PHF20L1: variants seen among roughly 807,000 people sequenced by gnomAD.
PHF20L1 encodes the protein PHD finger protein 20-like protein 1.
Under a neutral mutation model 125.5 loss-of-function variants are expected in PHF20L1, and 44 were observed. The ratio of observed to expected loss-of-function variants is 0.35; its 90% CI spans 0.28 to 0.45. PHF20L1 has a LOEUF of 0.45. PHF20L1 is among the 20% of genes least tolerant of loss of function. PHF20L1 has a pLI of 1.00. For missense variants in PHF20L1, 1,012 were observed against 1,217.2 expected (o/e 0.83, Z 2.51); for synonymous variants, 380 against 403.1 (o/e 0.94, Z 0.69).
At chr8:132,823,380 T>C (rs1288659020) in intron 12 of PHF20L1, among the ~76,000 whole-genome samples, 1 of 151,994 alleles carries the variant, frequency 6.6e-6, no homozygotes, top group African/African-American at 2.4e-5. Flanking sequence ...ATAGCATTCA[T>C]GTCATAACTG....
intron 14 of PHF20L1, among the ~76,000 whole-genome samples, chr8:132,830,878 A>G (rs2131834760): frequency 6.6e-6 from 1 of 152,136 alleles, no homozygotes; most frequent in South Asian, 2.1e-4. Context: ...TTTACTCTTC[A>G]GCCCCATCTC....
At chr8:132,782,840 C>G (rs530106367) in intron 2 of PHF20L1, among the ~76,000 whole-genome samples, 1 of 151,496 alleles carries the variant, frequency 6.6e-6, no homozygotes, top group African/African-American at 2.4e-5. Flanking sequence ...CTCATGGGCT[C>G]AAGCAGTTTT....
At chr8:132,836,954 C>T (rs1303916610) in intron 16 of PHF20L1, among the ~76,000 whole-genome samples, 1 of 152,092 alleles carries the variant, frequency 6.6e-6, no homozygotes, top group East Asian at 1.9e-4. Flanking sequence ...TCAGTGCCTT[C>T]AAACTGAAAC....
intron 4 of PHF20L1, among the ~76,000 whole-genome samples, chr8:132,796,307 G>C (rs1335451886): frequency 6.6e-6 from 1 of 151,994 alleles, no homozygotes; most frequent in Non-Finnish European, 1.5e-5. Context: ...GCAAAGATTG[G>C]TATATGAAGT....
chr8:132,778,674 G>T (rs1053100569), intron 2 of PHF20L1, among the ~76,000 whole-genome samples: 11 of 152,210 alleles, frequency 7.2e-5, no homozygotes, highest in African/African-American at 2.4e-4. Context: ...GAGTAGGAAT[G>T]AGGAGGATTC....
In PHF20L1 at chr8:132,775,582, C is replaced by T. The variant is rs1420001394; in HGVS notation, c.-101C>T. ...CAGAGGCAGAGGCCCGGGCTGGCCG[C>T]CCTGCTCGTGCCCCAGCTCGGCCCC... is the stretch of plus-strand genomic sequence containing the variant. On this transcript the variant is annotated 5_prime_UTR_variant, in exon 1 of 21. Coordinates refer to ENST00000395386, the MANE Select transcript of PHF20L1 (RefSeq NM_016018.5). 5.7e-6 allele frequency: 2 copies of T among 353,486 alleles called. No individual in the cohort carries two copies. The highest frequency in any genetic ancestry group is 1.0e-5 in the Non-Finnish European group (2 of 196,614). The allele number at this position is 353,486 out of a possible 1,614,324, so 21.9% of individuals were successfully genotyped here. A position where few individuals can be genotyped will look rare whatever the true frequency, so the allele number is the denominator to read the frequency against.
At position 132,824,078 on chromosome 8, in the gene PHF20L1, T is replaced by A. The variant is rs1835889617; in HGVS notation, c.1636+18T>A. 1.3e-6 allele frequency: 2 copies of A among 1,520,862 alleles called. No individual in the cohort carries two copies. The highest frequency in any genetic ancestry group is 2.3e-5 in the South Asian group (2 of 87,336). 94.2% of individuals were successfully genotyped at this position (1,520,862 alleles called of 1,614,324 possible). A position where few individuals can be genotyped will look rare whatever the true frequency, so the allele number is the denominator to read the frequency against. On this transcript the variant is annotated intron_variant, in intron 13 of 20. Transcript: ENST00000395386. ...AGCATTTGGTATGAACAGAAAGTAA[T>A]CTTTAAGCAAAAGACTATAAAGCTT...
chr8:132,843,181 C>T, intron 19 of PHF20L1: 1 of 1,054,588 alleles, frequency 9.5e-7, no homozygotes, highest in Non-Finnish European at 1.1e-6. Flanking sequence ...ACGAAAATGT[C>T]AGTGTGTAAG....
At chr8:132,841,938 A>G (rs1354031553) in intron 18 of PHF20L1, 1 of 152,236 alleles carries the variant, frequency 6.6e-6, no homozygotes, top group African/African-American at 2.4e-5. Context: ...TATCTGTATG[A>G]CATGATATGG....
chr8:132,801,068 C>G (rs1347537866), intron 6 of PHF20L1, among the ~76,000 whole-genome samples: 1 of 151,568 alleles, frequency 6.6e-6, no homozygotes, highest in Non-Finnish European at 1.5e-5. Context: ...TGAGATACCT[C>G]CTTGTTCCTT....
intron 2 of PHF20L1, among the ~76,000 whole-genome samples, chr8:132,781,049 C>G (rs1052971164): frequency 6.6e-6 from 1 of 151,992 alleles, no homozygotes; most frequent in Non-Finnish European, 1.5e-5. Flanking sequence ...TGAAGTGTCA[C>G]TGTATTGCCC....
chr8:132,814,291 G>A (rs1053244706), intron 9 of PHF20L1, among the ~76,000 whole-genome samples: 2 of 151,536 alleles, frequency 1.3e-5, no homozygotes, highest in African/African-American at 4.8e-5. Flanking sequence ...TTTATTTTTC[G>A]AATTATTGTC....
At chr8:132,842,007 C>T (rs1837986311) in intron 18 of PHF20L1, 2 of 152,764 alleles carry the variant, frequency 1.3e-5, no homozygotes, top group African/African-American at 4.8e-5. Flanking sequence ...CTGGATGTGT[C>T]ACAAGAAGAT....
At chr8:132,790,669 A>G (rs1189282952) in intron 2 of PHF20L1, among the ~76,000 whole-genome samples, 2 of 152,208 alleles carry the variant, frequency 1.3e-5, no homozygotes, top group Non-Finnish European at 2.9e-5. Context: ...ACAAATAACC[A>G]TATCCTACTT....
chr8:132,803,356 T>C lies in PHF20L1; in HGVS notation c.508-463T>C, dbSNP rs553302224. 1.3e-4 allele frequency among the ~76,000 whole-genome samples: 20 copies of C among 152,078 alleles called. No homozygotes were observed. In the South Asian group the frequency reaches 4.1e-3, roughly 31 times the overall value. On this transcript the variant is annotated intron_variant, in intron 6 of 20. Coordinates refer to ENST00000395386, the MANE Select transcript of PHF20L1 (RefSeq NM_016018.5). ...AATTTGAATGGTACATTTGTCCTAA[T>C]AAGGAATAGCAATTTGGTAGGTGGG...
chr8:132,786,539 C>G (rs1586859716), intron 2 of PHF20L1, among the ~76,000 whole-genome samples: 4 of 151,902 alleles, frequency 2.6e-5, no homozygotes, highest in Middle Eastern at 6.8e-3. Flanking sequence ...GGTAAGAGCC[C>G]CCTATATTGA....
In PHF20L1 at chr8:132,836,712, C is replaced by T. The variant is rs768875977; in HGVS notation, c.2082C>T (p.Phe694=). 1.9e-6 allele frequency: 3 copies of T among 1,610,684 alleles called. No homozygotes were observed. The highest frequency in any genetic ancestry group is 3.3e-5 in the Admixed American group (2 of 59,862). The change falls in exon 16 of 21, where the codon TTC becomes TTT. Residue 694 remains phenylalanine, a synonymous_variant. Coordinates refer to ENST00000395386, the MANE Select transcript of PHF20L1 (RefSeq NM_016018.5). ...CICEMDEENG[F]MIQCEECLCW... is the part of the protein sequence containing the mutation. ...GTGAGATGGATGAGGAGAATGGCTT[C>T]ATGATCCAGGTAATTGGTTAACCTC...
At chr8:132,790,496 GC>G (rs1327243999) in intron 2 of PHF20L1, among the ~76,000 whole-genome samples, 1 of 152,098 alleles carries the variant, frequency 6.6e-6, no homozygotes. Flanking sequence ...TCATTAGTTT[GC>G]TATTTCAAAG....
At chr8:132,803,749 A>G (rs762457977) in intron 6 of PHF20L1, 70 bp from the exon 7 acceptor site, 19 of 797,952 alleles carry the variant, frequency 2.4e-5, no homozygotes, top group Middle Eastern at 2.5e-4. Context: ...TGTGACACAT[A>G]TTTTTATTAG....
Sources: gnomAD v4.1 joint callset for allele counts (sites outside exome capture counted in the v4.1 genomes callset) on GRCh38, gnomAD v4.1.1 for gene constraint, MANE v1.5 for transcripts, NCBI Gene and HGNC (gene_info 2026-07-23, HGNC 2026-07-21) for gene names.